CATIP: variants seen among roughly 807,000 people sequenced by gnomAD.
CATIP encodes ciliogenesis-associated TTC17-interacting protein.
In CATIP, 40 loss-of-function variants were observed where a neutral mutation model predicts 42.5. The observed-to-expected ratio is 0.94, with a 90% CI of 0.73 to 1.22. The LOEUF (loss-of-function observed/expected upper bound fraction) is 1.22, where lower values mean the gene tolerates loss of function less well. CATIP is among the 50% of genes most tolerant of loss of function. The pLI, the probability that CATIP is intolerant of heterozygous loss-of-function variation, is 0.00. For synonymous variants in CATIP, 222 were observed against 200.2 expected (o/e 1.11, Z -0.92); for missense variants, 489 against 496.0 (o/e 0.99, Z 0.13).
At position 218,367,938 on chromosome 2, in the gene CATIP, G is replaced by A. The variant is rs1695529164; in HGVS notation, c.1138G>A (p.Gly380Arg). 1.9e-6 allele frequency: 3 copies of A among 1,601,098 alleles called. No individual in the cohort carries two copies. The highest frequency in any genetic ancestry group is 8.5e-7 in the Non-Finnish European group (1 of 1,176,370). The change falls in exon 10 of 10, where the codon GGA (glycine) becomes AGA (arginine). Residue 380 changes from glycine to arginine, a missense_variant. Transcript: ENST00000289388. Reference protein sequence around the residue: ...PNPFRSLEPEGDARSGAA With the variant: ...PNPFRSLEPERDARSGAA The stretch of plus-strand genomic sequence containing the variant: ...CCCTTTCCGCTCCCTGGAGCCGGAG[G>A]GAGACGCCCGCTCGGGGGCGGCCTA...
chr2:218,357,454 CTG>C, intron 2 of CATIP, 78 bp from the exon 3 acceptor site: 1 of 1,220,382 alleles, frequency 8.2e-7, no homozygotes, highest in Non-Finnish European at 1.2e-6. Flanking sequence ...TGTGGGGACA[CTG>C]GTGGTCATGG....
intron 4 of CATIP, among the ~76,000 whole-genome samples, chr2:218,358,630 G>C (rs1695122632): frequency 6.6e-6 from 1 of 152,132 alleles, no homozygotes; most frequent in Non-Finnish European, 1.5e-5. Context: ...CCAGCACTTT[G>C]GGAGGCCAAA....
chr2:218,357,879 G>T (rs1290127662), intron 3 of CATIP, 145 bp downstream of exon 3: 2 of 1,070,926 alleles, frequency 1.9e-6, no homozygotes, highest in East Asian at 4.8e-5. Context: ...GGATGAGCGA[G>T]TTCCTCATGG....
chr2:218,367,259 C>G, intron 8 of CATIP, 159 bp downstream of exon 8: 1 of 775,222 alleles, frequency 1.3e-6, no homozygotes, highest in Non-Finnish European at 2.1e-6. Context: ...TGACCCCAAG[C>G]AATAAGAGGA....
chr2:218,359,299 A>T (rs1160867100), intron 4 of CATIP, among the ~76,000 whole-genome samples: 1 of 139,882 alleles, frequency 7.1e-6, no homozygotes, highest in Admixed American at 7.6e-5. Context: ...CCAGGATCAC[A>T]CCACTGCACT....
rs143594463 is a variant in CATIP at position 218,364,708 on chromosome 2, G to A, written c.711G>A (p.Glu237=). 4.6e-4 allele frequency: 741 copies of A among 1,613,872 alleles called. 3 individuals carry two copies. The African/African-American group carries it at 8.0e-3, about 17-fold the overall frequency. Residue 237 remains glutamate (E), a synonymous_variant, in exon 7 of 10, where the codon GAG becomes GAA. Coordinates refer to ENST00000289388, the MANE Select transcript of CATIP (RefSeq NM_198559.2). ...TCGTGGAGCAGACTGTCCACGCGGAGGAGGGCATCCCCATGTCCTGCCAGT... is the reference window on the plus strand; with the variant it reads ...TCGTGGAGCAGACTGTCCACGCGGAAGAGGGCATCCCCATGTCCTGCCAGT... ...VFIVEQTVHA[E]EGIPMSCQYY...
Position 218,357,283 on chromosome 2 carries a change from C to CTCTCTCTG in CATIP, c.118+103_118+104insGTCTCTCT, listed in dbSNP as rs1164351234. On this transcript the variant is annotated intron_variant, in intron 2 of 9. Transcript: ENST00000289388. ...AGTCTCTCTCTCTCTCTCTCTCTCT[C>CTCTCTCTG]TCTCTCTTCCTTGATTCTCCTGGGA... 5 of 880,160 alleles carry CTCTCTCTG rather than the reference C, an allele frequency of 5.7e-6. No individual in the cohort carries two copies. The African/African-American group carries it at 6.8e-5, about 12-fold the overall frequency. The allele number at this position is 880,160 out of a possible 1,614,324, so 54.5% of individuals were successfully genotyped here.
Position 218,357,556 on chromosome 2 carries a change from G to C in CATIP, c.141G>C (p.Leu47=), listed in dbSNP as rs1695073751. 6.2e-7 allele frequency: 1 copy of C among 1,613,952 alleles called. No homozygotes were observed. Among genetic ancestry groups the C allele is most frequent in the African/African-American group, 1.3e-5 (1 of 74,994 alleles). The change falls in exon 3 of 10, where the codon CTG becomes CTC. Residue 47 remains leucine (L), a synonymous_variant. Coordinates refer to ENST00000289388, the MANE Select transcript of CATIP (RefSeq NM_198559.2). ...CAGACAAGGAGGAGCTACAGATGCT[G>C]TTCTTCTCTGAGACGCTGGCCATGG... ...SSLHKEELQM[L]FFSETLAMVS...
intron 7 of CATIP, 25 bp downstream of exon 7, chr2:218,364,777 A>T: frequency 1.2e-6 from 2 of 1,606,562 alleles, no homozygotes; most frequent in Middle Eastern, 1.8e-4. Context: ...GTGGGCCCAG[A>T]GGGGTGGTGC....
rs976419523 is a variant in CATIP at position 218,357,289 on chromosome 2, C to CTCTT, written c.118+103_118+104insCTTT. On this transcript the variant is annotated intron_variant, in intron 2 of 9. Coordinates refer to ENST00000289388, the MANE Select transcript of CATIP (RefSeq NM_198559.2). ...TCTCTCTCTCTCTCTCTCTCTCTCTCTTCCTTGATTCTCCTGGGACTCAGA... is the reference window on the plus strand; with the variant it reads ...TCTCTCTCTCTCTCTCTCTCTCTCTCTCTTTTCCTTGATTCTCCTGGGACTCAGA... 1.2e-5 allele frequency: 10 copies of CTCTT among 864,160 alleles called. No individual in the cohort carries two copies. In the East Asian group the frequency reaches 1.8e-4, roughly 16 times the overall value. The allele number at this position is 864,160 out of a possible 1,614,324, so 53.5% of individuals were successfully genotyped here. A position where few individuals can be genotyped will look rare whatever the true frequency, so the allele number is the denominator to read the frequency against.
At chr2:218,364,053 C>T (rs529383985) in intron 6 of CATIP, among the ~76,000 whole-genome samples, 2 of 152,244 alleles carry the variant, frequency 1.3e-5, no homozygotes, top group East Asian at 3.9e-4. Context: ...ATTTGTGTTT[C>T]TTTGACCATC....
chr2:218,362,065 G>C (rs1036179980), intron 5 of CATIP, among the ~76,000 whole-genome samples: 7 of 151,704 alleles, frequency 4.6e-5, no homozygotes, highest in African/African-American at 1.7e-4. Flanking sequence ...CCATATGACC[G>C]GCTGAAGGCC....
intron 7 of CATIP, chr2:218,366,619 T>C (rs1194399974): frequency 3.4e-6 from 1 of 293,318 alleles, no homozygotes; most frequent in Admixed American, 4.8e-5. Flanking sequence ...GGCACTGTCA[T>C]GTAGGAGTCT....
At chr2:218,362,925 G>A in intron 6 of CATIP, 23 bp downstream of exon 6, 1 of 1,595,736 alleles carries the variant, frequency 6.3e-7, no homozygotes, top group Non-Finnish European at 8.6e-7. Flanking sequence ...CTTGGGCAGG[G>A]GACTTGGCTT....
chr2:218,368,081 C>G lies in CATIP; in HGVS notation c.*117C>G. The G allele has an allele frequency of 1.6e-6, 2 of 1,238,292 alleles. No homozygotes were observed. Among genetic ancestry groups the G allele is most frequent in the African/African-American group, 1.6e-5 (1 of 63,478 alleles). 76.7% of individuals were successfully genotyped at this position (1,238,292 alleles called of 1,614,324 possible). On this transcript the variant is annotated 3_prime_UTR_variant, in exon 10 of 10. Transcript: ENST00000289388. ...GTTTTGGGGGAATAAATGGGGCCCT[C>G]CCGCTTCTCTGCAGCGCCCGTCGAC...
rs1428439111 is a variant in CATIP, at chr2:218,357,232, A to C, written c.118+45A>C. Reference sequence around the variant, plus strand: ...GGGTTGGGGGTGCGGGAGGGGTGCAAGTCTGGAGAGGAGGGAAGAAAGTCC... The same window carrying C: ...GGGTTGGGGGTGCGGGAGGGGTGCACGTCTGGAGAGGAGGGAAGAAAGTCC... On this transcript the variant is annotated intron_variant, in intron 2 of 9. Coordinates refer to ENST00000289388, the MANE Select transcript of CATIP (RefSeq NM_198559.2). The C allele has an allele frequency of 4.5e-6, 6 of 1,338,746 alleles. No individual in the cohort carries two copies. In the African/African-American group the frequency reaches 9.4e-5, roughly 21 times the overall value. The allele number at this position is 1,338,746 out of a possible 1,614,324, so 82.9% of individuals were successfully genotyped here.
chr2:218,357,259 GTCTCTCTC>G (rs144807145), intron 2 of CATIP, 72 bp downstream of exon 2: 43 of 607,700 alleles, frequency 7.1e-5, no homozygotes, highest in African/African-American at 1.1e-4. Context: ...AGAAAGTCCA[GTCTCTCTC>G]TCTCTCTCTC....
intron 4 of CATIP, among the ~76,000 whole-genome samples, chr2:218,358,300 G>C (rs183770214): frequency 2.0e-5 from 3 of 152,304 alleles, no homozygotes; most frequent in East Asian, 3.9e-4. Flanking sequence ...TGGGCACAGT[G>C]GTTCACACCT....
rs1050592808 is a variant in CATIP, at chr2:218,358,220, T to G, written c.375+128T>G. 6 of 749,566 alleles carry G rather than the reference T, an allele frequency of 8.0e-6. No homozygotes were observed. In the African/African-American group the frequency reaches 1.0e-4, roughly 13 times the overall value. 46.4% of individuals were successfully genotyped at this position (749,566 alleles called of 1,614,324 possible). ...CAGTGAAGCTGAAGAATAGCAATCG[T>G]GTTATGATGCAATGTAAAGCTCAAA... is the stretch of plus-strand genomic sequence containing the variant. On this transcript the variant is annotated intron_variant, in intron 4 of 9. Coordinates refer to ENST00000289388, the MANE Select transcript of CATIP (RefSeq NM_198559.2).
Sources: gnomAD v4.1 joint callset for allele counts (sites outside exome capture counted in the v4.1 genomes callset) on GRCh38, gnomAD v4.1.1 for gene constraint, MANE v1.5 for transcripts, NCBI Gene and HGNC (gene_info 2026-07-23, HGNC 2026-07-21) for gene names.